Variants in KIAA1328 observed in about 807,000 individuals in gnomAD.
The protein encoded by KIAA1328 is KIAA1328.
A neutral mutation model predicts 68.1 loss-of-function variants in KIAA1328; 52 were observed. That is an observed-to-expected ratio of 0.76 (90% confidence interval 0.61 to 0.96). The LOEUF is 0.96. Among genes scored for constraint, KIAA1328 ranks in the 40% least tolerant of loss-of-function variants. The probability of loss-of-function intolerance (pLI) is 0.00; values close to 1 mark genes in which losing one functional copy is unlikely to be tolerated. For missense variants in KIAA1328, 641 were observed against 677.6 expected, an observed-to-expected ratio of 0.95 and a Z score of 0.60; for synonymous variants, 232 against 239.4, an observed-to-expected ratio of 0.97 and a Z score of 0.28.
chr18:36,989,390 G>A (rs577078571), intron 6 of KIAA1328, among the ~76,000 whole-genome samples: 9 of 152,302 alleles, frequency 5.9e-5, no homozygotes, highest in African/African-American at 1.2e-4. Context: ...GAATTCCTGC[G>A]TAAACTTAGA....
intron 7 of KIAA1328, among the ~76,000 whole-genome samples, chr18:37,097,363 T>G (rs2057445100): frequency 6.6e-6 from 1 of 152,240 alleles, no homozygotes; most frequent in Admixed American, 6.5e-5. Context: ...TTGTCAGGTT[T>G]GTCAAAGATC....
chr18:37,139,179 G>A (rs1195550102), intron 7 of KIAA1328, among the ~76,000 whole-genome samples: 1 of 151,918 alleles, frequency 6.6e-6, no homozygotes, highest in Non-Finnish European at 1.5e-5. Flanking sequence ...TAGCCAGGAT[G>A]GTCTTGATCT....
rs554874862 is a variant in KIAA1328 at position 37,135,762 on chromosome 18, G to A, written c.1233-24438G>A. 8.5e-5 allele frequency among the ~76,000 whole-genome samples: 13 copies of A among 152,188 alleles called. 1 individual carries two copies. The highest frequency in any genetic ancestry group is 1.2e-4 in the African/African-American group (5 of 41,536). ...TAATCGTAAATTATTTCCCAAGGCC[G>A]ATGTCCAGAATGATATTTCCTAGGT... On this transcript the variant is annotated intron_variant, in intron 7 of 9. Coordinates refer to ENST00000280020, the MANE Select transcript of KIAA1328 (RefSeq NM_020776.3).
rs145023263 is a variant in KIAA1328 at position 37,209,468 on chromosome 18, A to ATGTG, written c.1524-12535_1524-12532dup. ...GGCTATATATATATATAATGTGTGT[A>ATGTG]TGTGTGTGTGTGTGTGTATTGAGTG... On this transcript the variant is annotated intron_variant, in intron 9 of 9. Coordinates refer to ENST00000280020, the MANE Select transcript of KIAA1328 (RefSeq NM_020776.3). Among the ~76,000 whole-genome samples the ATGTG allele has an allele frequency of 4.7e-5, 7 of 150,442 alleles. No individual in the cohort carries two copies. The East Asian group carries it at 9.7e-4, about 21-fold the overall frequency.
At chr18:36,971,997 G>A (rs1402517076) in intron 6 of KIAA1328, among the ~76,000 whole-genome samples, 1 of 152,148 alleles carries the variant, frequency 6.6e-6, no homozygotes, top group Non-Finnish European at 1.5e-5. Flanking sequence ...TATGTACAGT[G>A]AACCTAAAAT....
intron 7 of KIAA1328, among the ~76,000 whole-genome samples, chr18:37,099,964 T>G (rs186944231): frequency 1.3e-5 from 2 of 152,338 alleles, no homozygotes; most frequent in African/African-American, 2.4e-5. Context: ...TGAGCCTATG[T>G]GTGTCTTTGC....
intron 6 of KIAA1328, among the ~76,000 whole-genome samples, chr18:37,027,329 A>G (rs2054625620): frequency 1.3e-5 from 2 of 152,222 alleles, no homozygotes; most frequent in Admixed American, 1.3e-4. Context: ...ATCCCCATCA[A>G]GCTACCAATG....
intron 9 of KIAA1328, among the ~76,000 whole-genome samples, chr18:37,174,854 A>G (rs1340544844): frequency 6.6e-6 from 1 of 151,954 alleles, no homozygotes; most frequent in Non-Finnish European, 1.5e-5. Flanking sequence ...GGTATTTTTA[A>G]TAGGGACAGG....
intron 6 of KIAA1328, among the ~76,000 whole-genome samples, chr18:36,987,439 A>G (rs2052978692): frequency 6.8e-6 from 1 of 147,478 alleles, no homozygotes. Context: ...TACATATGTA[A>G]CTAACCTGCA....
At chr18:36,953,545 C>A (rs1276773172) in intron 5 of KIAA1328, among the ~76,000 whole-genome samples, 1 of 151,196 alleles carries the variant, frequency 6.6e-6, no homozygotes, top group South Asian at 2.1e-4. Flanking sequence ...AATTTATTTG[C>A]TTATTTTTCT....
intron 5 of KIAA1328, among the ~76,000 whole-genome samples, chr18:36,926,383 C>CTATTTATT (rs72299711): frequency 0.01 from 1,538 of 147,118 alleles, 27 homozygotes; most frequent in African/African-American, 0.036. Context: ...CTCTCTCTCT[C>CTATTTATT]TATTTATTTA....
At chr18:36,978,357 C>CATATA (rs2052554313) in intron 6 of KIAA1328, among the ~76,000 whole-genome samples, 1 of 152,112 alleles carries the variant, frequency 6.6e-6, no homozygotes, top group Admixed American at 6.5e-5. Flanking sequence ...TCAGCATGAA[C>CATATA]CAAGTTGTTT....
chr18:37,197,157 G>A (rs770553841), intron 9 of KIAA1328, among the ~76,000 whole-genome samples: 23 of 151,612 alleles, frequency 1.5e-4, no homozygotes, highest in Non-Finnish European at 3.4e-4. Context: ...AGCCCTGCTG[G>A]GATGCAAAAT....
At chr18:37,170,570 G>A (rs933203162) in intron 8 of KIAA1328, among the ~76,000 whole-genome samples, 1 of 152,070 alleles carries the variant, frequency 6.6e-6, no homozygotes, top group Admixed American at 6.5e-5. Flanking sequence ...TTTCATGCTC[G>A]TCATTGTTTC....
chr18:36,923,406 A>G (rs1199281504), intron 5 of KIAA1328, among the ~76,000 whole-genome samples: 3 of 152,160 alleles, frequency 2.0e-5, no homozygotes, highest in East Asian at 3.8e-4. Context: ...AAATTCTGTC[A>G]TATTAATCAG....
intron 6 of KIAA1328, among the ~76,000 whole-genome samples, chr18:37,033,601 A>G (rs566488384): frequency 6.6e-6 from 1 of 152,140 alleles, no homozygotes; most frequent in East Asian, 1.9e-4. Context: ...TTCATTTACA[A>G]CTCCCTGGTA....
intron 7 of KIAA1328, among the ~76,000 whole-genome samples, chr18:37,088,816 T>C (rs2057181846): frequency 6.6e-6 from 1 of 152,080 alleles, no homozygotes; most frequent in Non-Finnish European, 1.5e-5. Context: ...TAATGGAACT[T>C]TAAAAAATTT....
At chr18:37,053,066 G>C (rs1239842655) in intron 6 of KIAA1328, among the ~76,000 whole-genome samples, 2 of 152,122 alleles carry the variant, frequency 1.3e-5, no homozygotes, top group Non-Finnish European at 2.9e-5. Context: ...CAAAGCTGGA[G>C]GCATCACATT....
At chr18:37,121,420 A>ATCTG (rs556956923) in intron 7 of KIAA1328, among the ~76,000 whole-genome samples, 3 of 122,298 alleles carry the variant, frequency 2.5e-5, no homozygotes, top group African/African-American at 1.0e-4. Context: ...TAGGACTTCT[A>ATCTG]TCTATCTATC....
Sources: gnomAD v4.1 joint callset for allele counts (sites outside exome capture counted in the v4.1 genomes callset) on GRCh38, gnomAD v4.1.1 for gene constraint, MANE v1.5 for transcripts, NCBI Gene and HGNC (gene_info 2026-07-23, HGNC 2026-07-21) for gene names.